RALA: variants seen among roughly 807,000 people sequenced by gnomAD.
RALA encodes the protein RAS like proto-oncogene A.
A neutral mutation model predicts 24.0 loss-of-function variants in RALA; 5 were observed. That is an observed-to-expected ratio of 0.21 (90% CI 0.11 to 0.44). The LOEUF (loss-of-function observed/expected upper bound fraction) is 0.44, where lower values mean the gene tolerates loss of function less well. Among genes scored for constraint, RALA ranks in the 20% least tolerant of loss-of-function variants. RALA has a pLI of 0.99. For synonymous variants in RALA, 77 were observed against 83.8 expected (o/e 0.92, Z 0.44); for missense variants, 95 against 241.2 (o/e 0.39, Z 4.01).
Position 39,681,302 on chromosome 7 carries a change from C to CTTTTTTTTTTTTTTTTTTTTTTTTTT in RALA, c.-37-5321_-37-5296dup, listed in dbSNP as rs70996832. 8.0e-5 allele frequency among the ~76,000 whole-genome samples: 4 copies of CTTTTTTTTTTTTTTTTTTTTTTTTTT among 50,010 alleles called. 1 individual carries two copies. Among genetic ancestry groups the CTTTTTTTTTTTTTTTTTTTTTTTTTT allele is most frequent in the Non-Finnish European group, 1.4e-4 (4 of 28,086 alleles). The allele number at this position is 50,010 out of a possible 152,430, so 32.8% of individuals were successfully genotyped here. ...TCCTCAACCCAAACCCACCCTATTC[C>CTTTTTTTTTTTTTTTTTTTTTTTTTT]TTTTTTTTTTTTTTTTTTTTTTTTT... On this transcript the variant is annotated intron_variant, in intron 1 of 4. Transcript: ENST00000005257.
intron 1 of RALA, among the ~76,000 whole-genome samples, chr7:39,625,855 G>A (rs1406245911): frequency 1.3e-5 from 2 of 152,206 alleles, no homozygotes; most frequent in African/African-American, 4.8e-5. Context: ...CAAGTATGTG[G>A]TGGTGGTCCT....
intron 1 of RALA, among the ~76,000 whole-genome samples, chr7:39,628,618 C>T (rs933698219): frequency 2.0e-5 from 3 of 152,196 alleles, no homozygotes; most frequent in Admixed American, 2.0e-4. Flanking sequence ...TGCAGTGGCG[C>T]GATTTCGGCT....
At chr7:39,682,092 A>G (rs868136419) in intron 1 of RALA, among the ~76,000 whole-genome samples, 1 of 152,226 alleles carries the variant, frequency 6.6e-6, no homozygotes, top group East Asian at 1.9e-4. Context: ...GTCTTGAGCA[A>G]GTTGACATCT....
intron 1 of RALA, among the ~76,000 whole-genome samples, chr7:39,668,841 C>T (rs571424356): frequency 4.6e-5 from 7 of 150,650 alleles, no homozygotes; most frequent in African/African-American, 9.8e-5. Context: ...TAAGGCCAGG[C>T]GCAGTGGCTC....
chr7:39,665,540 G>A (rs1006494325), intron 1 of RALA, among the ~76,000 whole-genome samples: 2 of 151,996 alleles, frequency 1.3e-5, no homozygotes, highest in Non-Finnish European at 2.9e-5. Context: ...TCCAAGAGTC[G>A]ACTGTATAAC....
At chr7:39,694,602 C>T (rs2116092607) in intron 3 of RALA, among the ~76,000 whole-genome samples, 1 of 152,250 alleles carries the variant, frequency 6.6e-6, no homozygotes, top group Non-Finnish European at 1.5e-5. Context: ...GTCCTGAAAG[C>T]AGTGTTTGGC....
At chr7:39,669,975 C>T (rs1432428951) in intron 1 of RALA, among the ~76,000 whole-genome samples, 2 of 152,076 alleles carry the variant, frequency 1.3e-5, no homozygotes, top group African/African-American at 4.8e-5. Flanking sequence ...TTAAAATTAA[C>T]AAAGCTCTCA....
chr7:39,690,062 T>C (rs1052704091), intron 2 of RALA, among the ~76,000 whole-genome samples: 2 of 152,140 alleles, frequency 1.3e-5, no homozygotes, highest in African/African-American at 2.4e-5. Flanking sequence ...CAGAGTTACA[T>C]AGAAAAAAGA....
At chr7:39,659,380 A>G (rs777271898) in intron 1 of RALA, among the ~76,000 whole-genome samples, 6 of 152,188 alleles carry the variant, frequency 3.9e-5, no homozygotes, top group Non-Finnish European at 7.4e-5. Context: ...TATGATTTTC[A>G]GGGAATTGTC....
intron 1 of RALA, among the ~76,000 whole-genome samples, chr7:39,653,324 G>A (rs930035737): frequency 3.8e-4 from 58 of 151,928 alleles, no homozygotes; most frequent in African/African-American, 1.2e-3. Context: ...CACCACGCCC[G>A]GCCTATTATT....
At chr7:39,687,198 C>T (rs1792720526) in intron 2 of RALA, among the ~76,000 whole-genome samples, 1 of 152,100 alleles carries the variant, frequency 6.6e-6, no homozygotes, top group African/African-American at 2.4e-5. Context: ...GAGGCCAAGA[C>T]AGGCAGATCA....
At chr7:39,661,133 A>G (rs1792181492) in intron 1 of RALA, among the ~76,000 whole-genome samples, 3 of 152,178 alleles carry the variant, frequency 2.0e-5, no homozygotes, top group African/African-American at 7.2e-5. Flanking sequence ...CTACCAAAAG[A>G]ATAGTATGGG....
intron 1 of RALA, among the ~76,000 whole-genome samples, chr7:39,634,010 A>G (rs1218255214): frequency 6.6e-6 from 1 of 152,172 alleles, no homozygotes; most frequent in Admixed American, 6.5e-5. Context: ...CTCTCAGACC[A>G]CATCCTGTTG....
chr7:39,630,846 C>T (rs866224862), intron 1 of RALA, among the ~76,000 whole-genome samples: 14 of 152,064 alleles, frequency 9.2e-5, no homozygotes, highest in African/African-American at 3.1e-4. Flanking sequence ...GCACCAGTAC[C>T]ACATCATTTT....
intron 1 of RALA, among the ~76,000 whole-genome samples, chr7:39,679,642 CTT>C (rs1459926767): frequency 6.6e-6 from 1 of 152,118 alleles, no homozygotes; most frequent in African/African-American, 2.4e-5. Context: ...GAAATCATCT[CTT>C]ATCTGTAAAA....
At chr7:39,651,563 T>C (rs1208074321) in intron 1 of RALA, among the ~76,000 whole-genome samples, 1 of 152,210 alleles carries the variant, frequency 6.6e-6, no homozygotes, top group Admixed American at 6.5e-5. Flanking sequence ...TTAAATATTT[T>C]TCCTTTTTCA....
At chr7:39,657,432 A>C (rs980533055) in intron 1 of RALA, among the ~76,000 whole-genome samples, 1 of 152,226 alleles carries the variant, frequency 6.6e-6, no homozygotes, top group Non-Finnish European at 1.5e-5. Context: ...TTGTTCAATG[A>C]AACTTCTAGG....
Position 39,706,170 on chromosome 7 carries a change from C to T in RALA, c.546C>T (p.Asp182=). The T allele has an allele frequency of 1.2e-6, 2 of 1,608,234 alleles. No homozygotes were observed. Among genetic ancestry groups the T allele is most frequent in the Non-Finnish European group, 1.7e-6 (2 of 1,177,964 alleles). ...MREIRARKME[D]SKEKNGKKKR... ...AAATTCGAGCGAGAAAGATGGAAGA[C>T]AGCAAAGAAAAGAATGGAAAAAAGA... Residue 182 remains aspartate, a synonymous_variant, in exon 5 of 5, where the codon GAC becomes GAT. Coordinates refer to ENST00000005257, the MANE Select transcript of RALA (RefSeq NM_005402.4).
At chr7:39,697,529 G>A (rs1215175892) in intron 4 of RALA, 1 of 447,090 alleles carries the variant, frequency 2.2e-6, no homozygotes, top group East Asian at 7.0e-5. Flanking sequence ...GAATCTTAAA[G>A]GCCTCCAAGT....
Sources: gnomAD v4.1 joint callset for allele counts (sites outside exome capture counted in the v4.1 genomes callset) on GRCh38, gnomAD v4.1.1 for gene constraint, MANE v1.5 for transcripts, NCBI Gene and HGNC (gene_info 2026-07-23, HGNC 2026-07-21) for gene names.